Variants in LIMS1 observed in about 807,000 individuals in gnomAD.
LIMS1 encodes the protein LIM and senescent cell antigen-like-containing domain protein 1.
In LIMS1, 18 loss-of-function variants were observed where a neutral mutation model predicts 44.1. That is an observed-to-expected ratio of 0.41 (90% confidence interval 0.28 to 0.61). The LOEUF (loss-of-function observed/expected upper bound fraction) is 0.61. Among genes scored for constraint, LIMS1 ranks in the 20% least tolerant of loss-of-function variants. The probability of loss-of-function intolerance (pLI) is 0.32; values close to 1 mark genes in which losing one functional copy is unlikely to be tolerated. For synonymous variants in LIMS1, 93 were observed against 149.1 expected, an observed-to-expected ratio of 0.62 and a Z score of 2.74; for missense variants, 201 against 422.0, an observed-to-expected ratio of 0.48 and a Z score of 4.59.
intron 2 of LIMS1, chr2:108,662,178 G>A: frequency 1.2e-6 from 2 of 1,611,986 alleles, no homozygotes; most frequent in Non-Finnish European, 1.7e-6. Flanking sequence ...TGAGCACCCT[G>A]TAGCTCCAGC....
intron 1 of LIMS1, among the ~76,000 whole-genome samples, chr2:108,564,726 A>T (rs1284578336): frequency 6.6e-6 from 1 of 152,022 alleles, no homozygotes; most frequent in Non-Finnish European, 1.5e-5. Flanking sequence ...GTTCCACAAG[A>T]ATGTTTGAAA....
intron 1 of LIMS1, among the ~76,000 whole-genome samples, chr2:108,536,354 C>G (rs1684141554): frequency 6.6e-6 from 1 of 152,260 alleles, no homozygotes; most frequent in Non-Finnish European, 1.5e-5. Context: ...TGGCAGCCAT[C>G]ATTTTAATTT....
At position 108,662,442 on chromosome 2, in the gene LIMS1, T is replaced by G; in HGVS notation, c.192+2678T>G. 4.2e-6 allele frequency: 6 copies of G among 1,424,634 alleles called. No homozygotes were observed. In the South Asian group the frequency reaches 5.5e-5, roughly 13 times the overall value. The allele number at this position is 1,424,634 out of a possible 1,614,324, so 88.2% of individuals were successfully genotyped here. On this transcript the variant is annotated intron_variant, in intron 2 of 9. Coordinates refer to ENST00000544547, the Ensembl canonical transcript of LIMS1. ...TATAAATACCCTCCCTGGGTCTGTG[T>G]GCTGTTATTCCAAAAGATGCGATGA... is the stretch of plus-strand genomic sequence containing the variant.
chr2:108,651,224 T>TAA (rs991655671), intron 1 of LIMS1, among the ~76,000 whole-genome samples: 1 of 152,164 alleles, frequency 6.6e-6, no homozygotes, highest in Non-Finnish European at 1.5e-5. Context: ...GTAGCTTGGG[T>TAA]AATGTGCAGA....
intron 1 of LIMS1, among the ~76,000 whole-genome samples, chr2:108,586,266 T>G (rs573889171): frequency 2.6e-5 from 4 of 152,218 alleles, no homozygotes; most frequent in African/African-American, 9.6e-5. Context: ...TGATGGTAGC[T>G]GGAGAGTGAC....
intron 2 of LIMS1, among the ~76,000 whole-genome samples, chr2:108,661,798 A>T (rs1042117175): frequency 2.8e-4 from 43 of 152,282 alleles, no homozygotes; most frequent in Middle Eastern, 3.4e-3. Context: ...GAGACTCCCA[A>T]GGCACATTGA....
At chr2:108,537,545 C>T (rs1202997787) in intron 1 of LIMS1, among the ~76,000 whole-genome samples, 3 of 152,176 alleles carry the variant, frequency 2.0e-5, no homozygotes, top group Admixed American at 1.3e-4. Flanking sequence ...TGCCATGGGC[C>T]TAAGTGTATT....
At position 108,558,308 on chromosome 2, in the gene LIMS1, C is replaced by T. The variant is rs574698371; in HGVS notation, c.32+23714C>T. ...TCTTGGCTCACTGCAAGCTCCACCT[C>T]GTGGGTTCACGCCATTCTCCTGCCT... On this transcript the variant is annotated intron_variant, in intron 1 of 9. Coordinates refer to ENST00000544547, the Ensembl canonical transcript of LIMS1. 9.7e-4 allele frequency among the ~76,000 whole-genome samples: 148 copies of T among 151,898 alleles called. 1 individual carries two copies. The highest frequency in any genetic ancestry group is 1.6e-3 in the Non-Finnish European group (112 of 67,990).
At chr2:108,674,362 T>C (rs1448951579) in intron 5 of LIMS1, among the ~76,000 whole-genome samples, 5 of 152,004 alleles carry the variant, frequency 3.3e-5, no homozygotes, top group Non-Finnish European at 7.4e-5. Flanking sequence ...TTCTTTACTG[T>C]AGTTAATGTG....
At chr2:108,546,751 A>G (rs1467132920) in intron 1 of LIMS1, among the ~76,000 whole-genome samples, 3 of 151,884 alleles carry the variant, frequency 2.0e-5, no homozygotes, top group Admixed American at 1.3e-4. Flanking sequence ...GAAATGTTCA[A>G]TGAAAGATAG....
chr2:108,607,288 C>G (rs776706213), intron 1 of LIMS1: 9 of 1,545,938 alleles, frequency 5.8e-6, no homozygotes, highest in South Asian at 1.2e-5. Flanking sequence ...GAGCTGTTCC[C>G]CCTCCAAATG....
intron 1 of LIMS1, among the ~76,000 whole-genome samples, chr2:108,569,487 G>A (rs1341633892): frequency 2.0e-5 from 3 of 152,046 alleles, no homozygotes. Flanking sequence ...TAGGTTTTTA[G>A]TCCATTTTGA....
chr2:108,595,653 T>C (rs1006680333), intron 1 of LIMS1, among the ~76,000 whole-genome samples: 13 of 152,186 alleles, frequency 8.5e-5, no homozygotes, highest in African/African-American at 3.1e-4. Flanking sequence ...TGTAGTCAAC[T>C]GTGTACTAGG....
chr2:108,607,186 T>G (rs1246476503), intron 1 of LIMS1: 72 of 1,550,374 alleles, frequency 4.6e-5, no homozygotes, highest in Non-Finnish European at 6.3e-5. Flanking sequence ...GGGTGCCATC[T>G]ATGAGCATGG....
chr2:108,632,857 G>T (rs1294921346), intron 1 of LIMS1, among the ~76,000 whole-genome samples: 2 of 152,024 alleles, frequency 1.3e-5, no homozygotes, highest in Admixed American at 1.3e-4. Context: ...GTTTATATAA[G>T]CAGTTTACTT....
chr2:108,622,323 T>G (rs540376770), intron 1 of LIMS1, among the ~76,000 whole-genome samples: 2 of 152,346 alleles, frequency 1.3e-5, no homozygotes, highest in African/African-American at 4.8e-5. Context: ...TTGTTCTTTT[T>G]CCTACAAACT....
chr2:108,587,501 C>T (rs189282157), intron 1 of LIMS1, among the ~76,000 whole-genome samples: 1 of 151,910 alleles, frequency 6.6e-6, no homozygotes. Flanking sequence ...TGCACCTGGC[C>T]GTTTTCTTGT....
chr2:108,644,233 G>T (rs557116711), intron 1 of LIMS1, among the ~76,000 whole-genome samples: 4 of 152,144 alleles, frequency 2.6e-5, no homozygotes, highest in Non-Finnish European at 5.9e-5. Flanking sequence ...CCTAGTAGGG[G>T]CCAACAGATA....
chr2:108,611,782 G>A (rs1485368903), intron 1 of LIMS1, among the ~76,000 whole-genome samples: 2 of 149,668 alleles, frequency 1.3e-5, no homozygotes, highest in Non-Finnish European at 1.5e-5. Context: ...GGAGGCTGAG[G>A]TGGGAGGATT....
Sources: gnomAD v4.1 joint callset for allele counts (sites outside exome capture counted in the v4.1 genomes callset) on GRCh38, gnomAD v4.1.1 for gene constraint, MANE v1.5 for transcripts, NCBI Gene and HGNC (gene_info 2026-07-23, HGNC 2026-07-21) for gene names.